The following LPA variants were observed in gnomAD, a reference collection of about 807,000 sequenced individuals.
The protein encoded by LPA is lipoprotein(a).
LPA carries 199 observed loss-of-function variants against 197.9 expected under a neutral mutation model. That is an observed-to-expected ratio of 1.01 (90% CI 0.90 to 1.13). The LOEUF is 1.13. Ranked by LOEUF, LPA falls within the 50% of genes most tolerant of loss-of-function variation. LPA has a pLI of 0.00. For missense variants in LPA, 1,853 were observed against 1,785.8 expected, an observed-to-expected ratio of 1.04 and a Z score of -0.68; for synonymous variants, 715 against 639.5, an observed-to-expected ratio of 1.12 and a Z score of -1.78.
Position 160,556,051 on chromosome 6 carries a change from C to A in LPA, c.4947G>T (p.Gln1649His). The A allele has an allele frequency of 6.2e-7, 1 of 1,612,720 alleles. No homozygotes were observed. Among genetic ancestry groups the A allele is most frequent in the South Asian group, 1.1e-5 (1 of 91,046 alleles). Reference sequence around the variant, plus strand: ...CATTTGGGTAGTTTTCTGGGGTCCTCTGATGCCGGTGTGGTGTCATGGATG... The same window carrying A: ...CATTTGGGTAGTTTTCTGGGGTCCTATGATGCCGGTGTGGTGTCATGGATG... ...SWSSMTPHRH[Q>H]RTPENYPNDG... The change falls in exon 30 of 39, where the codon CAG (glutamine) becomes CAT (histidine). Residue 1649 changes from glutamine to histidine, a missense_variant. Gln to His is a conservative substitution (Grantham distance 24, BLOSUM62 0). Transcript: ENST00000316300.
At chr6:160,580,873 C>T (rs1376948788) in intron 26 of LPA, among the ~76,000 whole-genome samples, 1 of 152,108 alleles carries the variant, frequency 6.6e-6, no homozygotes, top group South Asian at 2.1e-4. Context: ...TATTTATTTT[C>T]TTAACAGTCA....
intron 28 of LPA, among the ~76,000 whole-genome samples, chr6:160,561,098 ATGGGCTTTCAC>A (rs1778354073): frequency 6.6e-6 from 1 of 151,936 alleles, no homozygotes; most frequent in African/African-American, 2.4e-5. Context: ...TTTAGTAGAG[ATGGGCTTTCAC>A]TGTGTTAGCC....
intron 26 of LPA, among the ~76,000 whole-genome samples, chr6:160,581,489 T>A (rs1397314834): frequency 6.6e-6 from 1 of 152,050 alleles, no homozygotes; most frequent in African/African-American, 2.4e-5. Flanking sequence ...TTTGTAGAGA[T>A]GAGGGTCTTG....
intron 37 of LPA, among the ~76,000 whole-genome samples, chr6:160,533,453 GA>G (rs1777837371): frequency 1.3e-5 from 2 of 152,164 alleles, no homozygotes; most frequent in Non-Finnish European, 2.9e-5. Context: ...AGCTCAGCTT[GA>G]GTCTGGGTCT....
intron 36 of LPA, among the ~76,000 whole-genome samples, chr6:160,539,009 C>T (rs1165695020): frequency 5.3e-5 from 8 of 152,184 alleles, no homozygotes; most frequent in Non-Finnish European, 8.8e-5. Flanking sequence ...TTTATAAAGG[C>T]TGAGCCAGAA....
chr6:160,583,346 C>T (rs1562330801), intron 26 of LPA, among the ~76,000 whole-genome samples: 2 of 152,108 alleles, frequency 1.3e-5, no homozygotes, highest in African/African-American at 4.8e-5. Flanking sequence ...AATTAATTTA[C>T]TTGGAGATCA....
At chr6:160,661,951 A>G (rs1184503675) in intron 1 of LPA, among the ~76,000 whole-genome samples, 2 of 152,238 alleles carry the variant, frequency 1.3e-5, no homozygotes, top group Non-Finnish European at 2.9e-5. Flanking sequence ...ATATTCAAAA[A>G]GAGGAAACTT....
intron 2 of LPA, among the ~76,000 whole-genome samples, chr6:160,648,252 T>C (rs1052978253): frequency 6.6e-6 from 1 of 152,228 alleles, no homozygotes; most frequent in Non-Finnish European, 1.5e-5. Flanking sequence ...TTTTTCCCGT[T>C]CCTTACGAGA....
Position 160,606,509 on chromosome 6 carries a change from G to C in LPA, c.2753C>G (p.Pro918Arg), listed in dbSNP as rs762748478. ...AGAAGGAGCCTCTAGGCTTGGAATC[G>C]GGGTAATAGTTGGAGGCGCGACGGC... is the stretch of plus-strand genomic sequence containing the variant. ...GTAVAPPTIT[P>R]IPSLEAPSEQ... Residue 918 changes from proline (P) to arginine (R), a missense_variant, in exon 17 of 39, where the codon CCG (proline) becomes CGG (arginine). Transcript: ENST00000316300. 4.3e-6 allele frequency: 7 copies of C among 1,613,460 alleles called. No individual in the cohort carries two copies. Among genetic ancestry groups the C allele is most frequent in the East Asian group, 2.2e-5 (1 of 44,878 alleles).
At chr6:160,646,563 C>G (rs1398613090) in intron 2 of LPA, among the ~76,000 whole-genome samples, 168 bp from the exon 3 acceptor site, 10 of 39,224 alleles carry the variant, frequency 2.5e-4, no homozygotes, top group Middle Eastern at 5.8e-3. Flanking sequence ...ATCACTAATC[C>G]TCTCTGCACA....
intron 2 of LPA, among the ~76,000 whole-genome samples, chr6:160,647,205 G>C (rs1562351439): frequency 6.6e-6 from 1 of 152,168 alleles, no homozygotes; most frequent in Admixed American, 6.5e-5. Flanking sequence ...TGGCATAAAG[G>C]AAGATGGCAG....
chr6:160,650,659 CAT>C (rs1779989112), intron 1 of LPA, among the ~76,000 whole-genome samples, 162 bp from the exon 2 acceptor site: 2 of 152,170 alleles, frequency 1.3e-5, no homozygotes, highest in Admixed American at 6.5e-5. Context: ...GGAATAGATT[CAT>C]ATCATTCTAG....
At chr6:160,611,066 A>G (rs990225338) in intron 16 of LPA, among the ~76,000 whole-genome samples, 1 of 152,038 alleles carries the variant, frequency 6.6e-6, no homozygotes, top group Non-Finnish European at 1.5e-5. Flanking sequence ...CTTTCAGGCC[A>G]CTGGTACTTA....
At chr6:160,543,511 C>G (rs888065417) in intron 33 of LPA, among the ~76,000 whole-genome samples, 1 of 152,182 alleles carries the variant, frequency 6.6e-6, no homozygotes, top group Non-Finnish European at 1.5e-5. Flanking sequence ...ATTCTACACT[C>G]CAGTGAATCT....
intron 26 of LPA, among the ~76,000 whole-genome samples, chr6:160,580,644 T>A (rs1778776480): frequency 1.3e-5 from 2 of 152,194 alleles, no homozygotes; most frequent in South Asian, 4.1e-4. Context: ...GGGTTATAAC[T>A]CTTGATTTTT....
intron 27 of LPA, 110 bp from the exon 28 acceptor site, chr6:160,577,405 T>C: frequency 3.1e-6 from 3 of 975,860 alleles, no homozygotes; most frequent in East Asian, 2.5e-5. Flanking sequence ...ATTACTATTC[T>C]TTTTTCTACT....
At chr6:160,565,176 G>T (rs1199814640) in intron 28 of LPA, among the ~76,000 whole-genome samples, 2 of 152,274 alleles carry the variant, frequency 1.3e-5, no homozygotes, top group South Asian at 4.1e-4. Flanking sequence ...AGAGAGTAGT[G>T]GTTCTCCCAG....
At chr6:160,544,068 A>G (rs1778025115) in intron 33 of LPA, among the ~76,000 whole-genome samples, 1 of 152,194 alleles carries the variant, frequency 6.6e-6, no homozygotes, top group African/African-American at 2.4e-5. Context: ...TGATTCTCAT[A>G]CATCCTCAAT....
At chr6:160,562,128 G>T (rs1180115002) in intron 28 of LPA, among the ~76,000 whole-genome samples, 1 of 152,178 alleles carries the variant, frequency 6.6e-6, no homozygotes, top group Non-Finnish European at 1.5e-5. Context: ...GTGAGAGAGG[G>T]CATCCTTGTC....
Sources: allele counts gnomAD v4.1 joint callset (sites outside exome capture counted in the v4.1 genomes callset), GRCh38; gene constraint gnomAD v4.1.1; transcripts MANE v1.5; gene names NCBI Gene and HGNC (gene_info 2026-07-23, HGNC 2026-07-21).